Variants in RGS11 observed in about 807,000 individuals in gnomAD.
RGS11 encodes the protein regulator of G-protein signaling 11.
A neutral mutation model predicts 71.1 loss-of-function variants in RGS11; 86 were observed. The observed-to-expected ratio is 1.21, with a 90% CI of 1.02 to 1.45. The LOEUF (loss-of-function observed/expected upper bound fraction) is 1.45, where lower values mean the gene tolerates loss of function less well. RGS11 is among the 40% of genes most tolerant of loss of function. The pLI is 0.00. For synonymous variants in RGS11, 298 were observed against 254.2 expected (o/e 1.17, Z -1.64); for missense variants, 734 against 635.1 (o/e 1.16, Z -1.67).
In RGS11 at chr16:268,662, C is replaced by T. The variant is rs919236068; in HGVS notation, c.*607G>A. Reference sequence around the variant, plus strand: ...CTCGAGGTGGGAAAGCAGGTGCCGGCGCACCTGTGGACAAATTCTGGAACG... The same window carrying T: ...CTCGAGGTGGGAAAGCAGGTGCCGGTGCACCTGTGGACAAATTCTGGAACG... On this transcript the variant is annotated 3_prime_UTR_variant, in exon 17 of 17. Coordinates refer to ENST00000397770, the MANE Select transcript of RGS11 (RefSeq NM_183337.3). 110 of 1,093,010 alleles carry T rather than the reference C, an allele frequency of 1.0e-4. No individual in the cohort carries two copies. Among genetic ancestry groups the T allele is most frequent in the Middle Eastern group, 2.6e-4 (1 of 3,870 alleles). The allele number at this position is 1,093,010 out of a possible 1,614,324, so 67.7% of individuals were successfully genotyped here.
chr16:271,141 C>T (rs1440062144), intron 12 of RGS11, 42 bp from the exon 13 acceptor site: 1 of 1,601,516 alleles, frequency 6.2e-7, no homozygotes, highest in Non-Finnish European at 8.5e-7. Context: ...GGGGACTGAC[C>T]CTCCTGCGTC....
At chr16:273,625 C>A in intron 7 of RGS11, 69 bp from the exon 8 acceptor site, 1 of 1,508,174 alleles carries the variant, frequency 6.6e-7, no homozygotes, top group Non-Finnish European at 9.0e-7. Context: ...ACCCTCAGGC[C>A]TGGACCTGGG....
chr16:270,405 T>C, intron 15 of RGS11, 118 bp downstream of exon 15: 1 of 1,265,424 alleles, frequency 7.9e-7, no homozygotes, highest in Non-Finnish European at 1.1e-6. Context: ...GGGAAGGTGC[T>C]CCCCAGGGGC....
At chr16:275,626 G>T in intron 1 of RGS11, 128 bp from the exon 2 acceptor site, 1 of 854,848 alleles carries the variant, frequency 1.2e-6, no homozygotes, top group Non-Finnish European at 1.7e-6. Context: ...CCAGGCCGCA[G>T]CTGGCGGCGG....
rs1002383218 is a variant in RGS11 at position 268,565 on chromosome 16, C to T, written c.*704G>A. Reference sequence around the variant, plus strand: ...TCAGGGACGCCTGGCAAGGATCCACCCTATGGAATCGGGCCTCGTCAGTGG... The same window carrying T: ...TCAGGGACGCCTGGCAAGGATCCACTCTATGGAATCGGGCCTCGTCAGTGG... On this transcript the variant is annotated 3_prime_UTR_variant, in exon 17 of 17. Transcript: ENST00000397770. The T allele has an allele frequency of 8.3e-6, 5 of 602,234 alleles. No homozygotes were observed. Among genetic ancestry groups the T allele is most frequent in the African/African-American group, 1.9e-5 (1 of 53,904 alleles). 37.3% of individuals were successfully genotyped at this position (602,234 alleles called of 1,614,324 possible).
Position 270,562 on chromosome 16 carries a change from C to T in RGS11, c.1167G>A (p.Leu389=). 6.2e-7 allele frequency: 1 copy of T among 1,608,786 alleles called. No individual in the cohort carries two copies. Among genetic ancestry groups the T allele is most frequent in the Non-Finnish European group, 8.5e-7 (1 of 1,178,090 alleles). The change falls in exon 15 of 17, where the codon CTG becomes CTA. Residue 389 remains leucine, a synonymous_variant. Transcript: ENST00000397770. ...TGTATATGTGCAGCTGGGCGTCATC[C>T]AGGACATAGCGGTGGGGCTGGCGCA... ...EGLRQPHRYV[L]DDAQLHIYML... is the part of the protein sequence containing the mutation.
chr16:269,578 T>C lies in RGS11; in HGVS notation c.1214A>G (p.Tyr405Cys). The C allele has an allele frequency of 6.2e-7, 1 of 1,612,832 alleles. No homozygotes were observed. Among genetic ancestry groups the C allele is most frequent in the Non-Finnish European group, 8.5e-7 (1 of 1,179,508 alleles). The change falls in exon 16 of 17, where the codon TAC becomes TGC. Residue 405 changes from tyrosine to cysteine, a missense_variant. Physicochemically the swap from Tyr to Cys is radical, Grantham distance 194 (BLOSUM62 -2). Coordinates refer to ENST00000397770, the MANE Select transcript of RGS11 (RefSeq NM_183337.3). ...HIYMLMKKDSYPRFLKSDMYK... is the reference protein window; with the variant it reads ...HIYMLMKKDSCPRFLKSDMYK... The stretch of plus-strand genomic sequence containing the variant: ...CATGTCAGACTTCAGGAACCTTGGG[T>C]AGGAGTCCTACAAGAGACAGCGTCC...
At position 270,990 on chromosome 16, in the gene RGS11, ACTC is replaced by A. The variant is rs1163716065; in HGVS notation, c.970_972del (p.Glu324del). ...GGGGCTGGGGGGTTCTCACCACTGAACTCCTTTCCCAGAAAGTCCATGAAGTGG... is the reference window on the plus strand; with the variant it reads ...GGGGCTGGGGGGTTCTCACCACTGAACTTTCCCAGAAAGTCCATGAAGTGG... On this transcript the variant is annotated inframe_deletion, in exon 13 of 17. Coordinates refer to ENST00000397770, the MANE Select transcript of RGS11 (RefSeq NM_183337.3). The A allele has an allele frequency of 6.2e-7, 1 of 1,610,636 alleles. No homozygotes were observed. The highest frequency in any genetic ancestry group is 8.5e-7 in the Non-Finnish European group (1 of 1,178,572).
At chr16:271,354 A>C (rs780146107) in intron 11 of RGS11, 39 bp from the exon 12 acceptor site, 2 of 1,612,006 alleles carry the variant, frequency 1.2e-6, no homozygotes, top group East Asian at 2.2e-5. Flanking sequence ...GAGGGGCCTC[A>C]GCACTCAGCA....
At position 275,848 on chromosome 16, in the gene RGS11, C is replaced by G; in HGVS notation, c.63+1G>C. The G allele has an allele frequency of 9.3e-7, 1 of 1,071,656 alleles. No individual in the cohort carries two copies. The allele number at this position is 1,071,656 out of a possible 1,614,324, so 66.4% of individuals were successfully genotyped here. On this transcript the variant is annotated splice_donor_variant, in intron 1 of 16. Transcript: ENST00000397770. LOFTEE classifies it high-confidence loss of function. ...CGGCGGGACACCCACCCGCCTCGCA[C>G]CTTCCTCAGATGCGGCATCTGCGCC...
At chr16:271,603 A>G in intron 9 of RGS11, 34 bp from the exon 10 acceptor site, 2 of 1,609,032 alleles carry the variant, frequency 1.2e-6, no homozygotes, top group Non-Finnish European at 1.7e-6. Context: ...AGTTAGATGC[A>G]GGTCCCCTGC....
chr16:268,462 C>A lies in RGS11; in HGVS notation c.*807G>T. ...CGAAAGGAGCCAGCTGTACCTTCAC[C>A]CAGTCTGGGGGACTGGTGAGGCACT... On this transcript the variant is annotated 3_prime_UTR_variant, in exon 17 of 17. Coordinates refer to ENST00000397770, the MANE Select transcript of RGS11 (RefSeq NM_183337.3). The A allele has an allele frequency of 2.2e-6, 1 of 457,406 alleles. No homozygotes were observed. The highest frequency in any genetic ancestry group is 4.0e-6 in the Non-Finnish European group (1 of 248,424). The allele number at this position is 457,406 out of a possible 1,614,324, so 28.3% of individuals were successfully genotyped here.
chr16:274,529 G>A (rs961670833), intron 4 of RGS11: 1 of 597,494 alleles, frequency 1.7e-6, no homozygotes. Context: ...GCGGGGTGGG[G>A]CTGGGGGCCT....
Position 268,694 on chromosome 16 carries a change from G to A in RGS11, c.*575C>T. Reference sequence around the variant, plus strand: ...GTGGACAAATTCTGGAACGCGTTTGGCGAGGGAGGAATAGGCGCAGCTCCG... The same window carrying A: ...GTGGACAAATTCTGGAACGCGTTTGACGAGGGAGGAATAGGCGCAGCTCCG... On this transcript the variant is annotated 3_prime_UTR_variant, in exon 17 of 17. Transcript: ENST00000397770. 1 of 1,437,266 alleles carries A rather than the reference G, an allele frequency of 7.0e-7. No individual in the cohort carries two copies. The highest frequency in any genetic ancestry group is 1.2e-5 in the South Asian group (1 of 81,172). The allele number at this position is 1,437,266 out of a possible 1,614,324, so 89.0% of individuals were successfully genotyped here.
intron 15 of RGS11, 144 bp from the exon 16 acceptor site, chr16:269,729 G>C: frequency 1.6e-6 from 1 of 632,324 alleles, no homozygotes; most frequent in South Asian, 2.0e-5. Flanking sequence ...AGCCGCCTCG[G>C]ACCTGCCCAG....
chr16:273,531 C>T lies in RGS11; in HGVS notation c.532G>A (p.Asp178Asn). The change falls in exon 8 of 17, where the codon GAC becomes AAC. Residue 178 changes from aspartate to asparagine, a missense_variant. Asp to Asn is a conservative substitution (Grantham distance 23). Coordinates refer to ENST00000397770, the MANE Select transcript of RGS11 (RefSeq NM_183337.3). The stretch of plus-strand genomic sequence containing the variant: ...TCCTGGCACGCAATGACCAGCCTGT[C>T]CCCCTTGCTGCGCTGCTTGGCTGCC... ...LRAAKQRSKG[D>N]RLVIACQEQT... 1.3e-6 allele frequency: 2 copies of T among 1,559,870 alleles called. No individual in the cohort carries two copies. The highest frequency in any genetic ancestry group is 1.7e-6 in the Non-Finnish European group (2 of 1,152,154).
At chr16:269,702 G>A in intron 15 of RGS11, 117 bp from the exon 16 acceptor site, 1 of 827,592 alleles carries the variant, frequency 1.2e-6, no homozygotes, top group Non-Finnish European at 1.9e-6. Flanking sequence ...GTCTCCGGCG[G>A]ACAGGGTGCT....
At chr16:269,609 C>G in intron 15 of RGS11, 24 bp from the exon 16 acceptor site, 2 of 1,571,592 alleles carry the variant, frequency 1.3e-6, no homozygotes, top group South Asian at 1.1e-5. Flanking sequence ...CGTCCAGCCC[C>G]TGACCCTTCT....
chr16:271,392 C>T lies in RGS11; in HGVS notation c.749+7G>A, dbSNP rs1475948315. ...GGTCTCCAGCTGCCACCCCTCACCC[C>T]ACTCACGCCTCAAGGCAGACGGAGG... On this transcript the variant is annotated splice_region_variant and intron_variant, in intron 11 of 16. Transcript: ENST00000397770. 1 of 1,613,562 alleles carries T rather than the reference C, an allele frequency of 6.2e-7. No homozygotes were observed. The highest frequency in any genetic ancestry group is 8.5e-7 in the Non-Finnish European group (1 of 1,179,998).
Sources: gnomAD v4.1 joint callset for allele counts on GRCh38, gnomAD v4.1.1 for gene constraint, MANE v1.5 for transcripts, NCBI Gene and HGNC (gene_info 2026-07-23, HGNC 2026-07-21) for gene names.